The following TCF3 variants were observed in gnomAD, a reference collection of about 807,000 sequenced individuals.
The protein encoded by TCF3 is transcription factor 3.
A neutral mutation model predicts 72.3 loss-of-function variants in TCF3; 54 were observed. That is an observed-to-expected ratio of 0.75 (90% confidence interval 0.60 to 0.94). TCF3 has a LOEUF of 0.94. TCF3 is among the 40% of genes least tolerant of loss of function. The pLI is 0.00. For missense variants in TCF3, 1,078 were observed against 934.4 expected (o/e 1.15, Z -2.00); for synonymous variants, 525 against 412.6 (o/e 1.27, Z -3.30).
At chr19:1,650,000 G>A (rs998774186) in intron 2 of TCF3, among the ~76,000 whole-genome samples, 177 bp downstream of exon 2, 6 of 152,160 alleles carry the variant, frequency 3.9e-5, no homozygotes, top group South Asian at 2.1e-4. Flanking sequence ...ACGTGCTGCC[G>A]TGCGCTGTCA....
At position 1,637,908 on chromosome 19, in the gene TCF3, C is replaced by CA. The variant is rs1029525125; in HGVS notation, c.146-5504dup. ...TGGGCAATAGAGCGAGACTCCACCTCAAAAAAAAAAGAAAAAGAAAAAGAG... is the reference window on the plus strand; with the variant it reads ...TGGGCAATAGAGCGAGACTCCACCTCAAAAAAAAAAAGAAAAAGAAAAAGAG... On this transcript the variant is annotated intron_variant, in intron 3 of 18. Transcript: ENST00000262965. Among the ~76,000 whole-genome samples, 410 of 142,172 alleles carry CA rather than the reference C, an allele frequency of 2.9e-3. 1 individual carries two copies. Among genetic ancestry groups the CA allele is most frequent in the Non-Finnish European group, 4.0e-3 (259 of 65,022 alleles). 93.3% of individuals were successfully genotyped at this position (142,172 alleles called of 152,430 possible).
intron 3 of TCF3, among the ~76,000 whole-genome samples, chr19:1,640,390 C>T (rs753882940): frequency 6.0e-5 from 9 of 151,094 alleles, no homozygotes; most frequent in Non-Finnish European, 1.2e-4. Context: ...AAAAAATTAG[C>T]GCAATGGTTA....
chr19:1,641,750 G>C (rs1329062397), intron 3 of TCF3, among the ~76,000 whole-genome samples: 1 of 152,074 alleles, frequency 6.6e-6, no homozygotes, highest in Non-Finnish European at 1.5e-5. Context: ...ACCGCACCCA[G>C]CTGAAATTTT....
rs757442057 is a variant in TCF3 at position 1,631,938 on chromosome 19, G to T, written c.298+100C>A. On this transcript the variant is annotated intron_variant, in intron 5 of 18. Coordinates refer to ENST00000262965, the MANE Select transcript of TCF3 (RefSeq NM_003200.5). Reference sequence around the variant, plus strand: ...GGCTGTCCACACCCTCTGGGTGAACGCTGGGGACTTGCCTGGCGCTGTGCG... The same window carrying T: ...GGCTGTCCACACCCTCTGGGTGAACTCTGGGGACTTGCCTGGCGCTGTGCG... 9.0e-6 allele frequency: 14 copies of T among 1,547,872 alleles called. 1 individual carries two copies. In the South Asian group the frequency reaches 1.5e-4, roughly 17 times the overall value.
intron 2 of TCF3, among the ~76,000 whole-genome samples, chr19:1,649,295 T>C (rs1192614996): frequency 6.6e-6 from 1 of 152,236 alleles, no homozygotes; most frequent in Non-Finnish European, 1.5e-5. Context: ...CACGTGTGAC[T>C]AATTAACCAC....
intron 9 of TCF3, 43 bp downstream of exon 9, chr19:1,622,270 C>A (rs2062334465): frequency 2.7e-6 from 4 of 1,506,338 alleles, no homozygotes; most frequent in South Asian, 1.3e-5. Flanking sequence ...GGAACCCCAG[C>A]CCTGCCCTAC....
At chr19:1,647,536 G>A (rs1406957929) in intron 2 of TCF3, among the ~76,000 whole-genome samples, 2 of 152,198 alleles carry the variant, frequency 1.3e-5, no homozygotes, top group Non-Finnish European at 2.9e-5. Context: ...ACCTGGCCCT[G>A]GAGAGGAAGA....
At chr19:1,620,678 C>T (rs1289779981) in intron 13 of TCF3, among the ~76,000 whole-genome samples, 1 of 152,188 alleles carries the variant, frequency 6.6e-6, no homozygotes, top group African/African-American at 2.4e-5. Flanking sequence ...TGGTTATGTG[C>T]TATAGCCTTG....
chr19:1,615,410 T>C lies in TCF3; in HGVS notation c.1697A>G (p.Asn566Ser). ...ARERLRVRDINEAFKELGRMC... is the reference protein window; with the variant it reads ...ARERLRVRDISEAFKELGRMC... Reference sequence around the variant, plus strand: ...GCGCCCCAGCTCCTTAAAGGCCTCGTTGATGTCACGGACCCGCAGCCGCTC... The same window carrying C: ...GCGCCCCAGCTCCTTAAAGGCCTCGCTGATGTCACGGACCCGCAGCCGCTC... The change falls in exon 18 of 19, where the codon AAC becomes AGC. Residue 566 changes from asparagine to serine, a missense_variant. Coordinates refer to ENST00000262965, the MANE Select transcript of TCF3 (RefSeq NM_003200.5). This position sits in a 1 kb window ranked among gnomAD's most constrained non-coding sequence, Gnocchi z 7.3. The C allele has an allele frequency of 2.5e-6, 4 of 1,613,972 alleles. No homozygotes were observed. Among genetic ancestry groups the C allele is most frequent in the Non-Finnish European group, 3.4e-6 (4 of 1,179,992 alleles).
chr19:1,612,206 C>T (rs2061075388), intron 18 of TCF3: 4 of 1,575,066 alleles, frequency 2.5e-6, no homozygotes, highest in Non-Finnish European at 2.6e-6. Context: ...GGGGAGCCTA[C>T]CTCGCACCTG....
At chr19:1,645,196 G>C (rs556182251) in intron 3 of TCF3, among the ~76,000 whole-genome samples, 121 of 152,204 alleles carry the variant, frequency 7.9e-4, no homozygotes, top group African/African-American at 2.8e-3. Flanking sequence ...GGGGATTCTG[G>C]AGATAACTGC....
Position 1,621,929 on chromosome 19 carries a change from TGGGA to T in TCF3, c.860_863del (p.Leu287HisfsTer106). 6.2e-7 allele frequency: 1 copy of T among 1,605,498 alleles called. No homozygotes were observed. Reference sequence around the variant, plus strand: ...GGGCTGAGGAGAAGGAGGATGCAGATGGGAGCCCACCGTTCACCTCTGCTCCATG... The same window carrying T: ...GGGCTGAGGAGAAGGAGGATGCAGATGCCCACCGTTCACCTCTGCTCCATG... On this transcript the variant is annotated frameshift_variant, in exon 11 of 19. Transcript: ENST00000262965. LOFTEE classifies it high-confidence loss of function.
In TCF3 at chr19:1,615,712, C is replaced by T; in HGVS notation, c.1560G>A (p.Glu520=). 1 of 1,613,366 alleles carries T rather than the reference C, an allele frequency of 6.2e-7. No individual in the cohort carries two copies. The highest frequency in any genetic ancestry group is 2.2e-5 in the East Asian group (1 of 44,842). ...TGGTCCGGGCCCGGGGGGCCTTCAGCTCCTTCTTCTCCTCCTCCGAGTGGT... is the reference window on the plus strand; with the variant it reads ...TGGTCCGGGCCCGGGGGGCCTTCAGTTCCTTCTTCTCCTCCTCCGAGTGGT... ...AADHSEEEKK[E]LKAPRARTSP... Residue 520 remains glutamate (E), a synonymous_variant, in exon 17 of 19, where the codon GAG becomes GAA. Transcript: ENST00000262965. The surrounding 1 kb of genome is among the most constrained non-coding windows in gnomAD (Gnocchi z 7.3).
In TCF3 at chr19:1,622,117, G is replaced by A. The variant is rs2240590; in HGVS notation, c.759C>T (p.Ser253=). Residue 253 remains serine, a synonymous_variant, in exon 10 of 19, where the codon AGC becomes AGT. Coordinates refer to ENST00000262965, the MANE Select transcript of TCF3 (RefSeq NM_003200.5). ...TGCTTCCACTGCTGCCCACCGGGCC[G>A]CTACCGGGCGGGAGGGGCAGCGGGG... ...GSSPLPLPPG[S]GPVGSSGSSS... is the part of the protein sequence containing the mutation. The A allele has an allele frequency of 0.17, 267,886 of 1,599,406 alleles. 31,446 individuals are homozygous for A. Among genetic ancestry groups the A allele is most frequent in the African/African-American group, 0.53 (39,572 of 74,776 alleles).
intron 2 of TCF3, among the ~76,000 whole-genome samples, chr19:1,647,253 C>T (rs909428852): frequency 6.6e-6 from 1 of 152,218 alleles, no homozygotes; most frequent in Non-Finnish European, 1.5e-5. Flanking sequence ...GCAACAAACC[C>T]TTTTGCCACA....
intron 3 of TCF3, among the ~76,000 whole-genome samples, chr19:1,642,275 C>CACGCACGCACAT (rs11267357): frequency 6.6e-6 from 1 of 151,508 alleles, no homozygotes; most frequent in Non-Finnish European, 1.5e-5. Flanking sequence ...CGCACGCACA[C>CACGCACGCACAT]GCACAGACGC....
intron 3 of TCF3, among the ~76,000 whole-genome samples, chr19:1,644,970 G>C (rs867718272): frequency 6.6e-6 from 1 of 152,088 alleles, no homozygotes; most frequent in Non-Finnish European, 1.5e-5. Context: ...GGCTGTTTCC[G>C]GGGGGCTGGC....
Position 1,650,257 on chromosome 19 carries a change from G to A in TCF3, c.-9C>T. ...CTCTGCGGCTGGTTCATTCTCCTGG[G>A]GCCAGGGCGGGCACCTCAGGCCTGG... On this transcript the variant is annotated 5_prime_UTR_variant, in exon 2 of 19. Coordinates refer to ENST00000262965, the MANE Select transcript of TCF3 (RefSeq NM_003200.5). 1 of 1,556,950 alleles carries A rather than the reference G, an allele frequency of 6.4e-7. No homozygotes were observed.
intron 7 of TCF3, among the ~76,000 whole-genome samples, chr19:1,624,714 G>A (rs1189607998): frequency 1.3e-5 from 2 of 152,228 alleles, no homozygotes; most frequent in African/African-American, 4.8e-5. Flanking sequence ...CGCACAGTGG[G>A]AAAAGTTCGA....
Sources: allele counts gnomAD v4.1 joint callset (sites outside exome capture counted in the v4.1 genomes callset), GRCh38; gene constraint gnomAD v4.1.1; non-coding constraint Gnocchi (gnomAD v3.1); transcripts MANE v1.5; gene names NCBI Gene and HGNC (gene_info 2026-07-23, HGNC 2026-07-21).